Variants in STK33 observed in about 807,000 individuals in gnomAD.
STK33 encodes the protein serine/threonine kinase 33.
In STK33, 52 loss-of-function variants were observed where a neutral mutation model predicts 58.0. The ratio of observed to expected loss-of-function variants is 0.90; its 90% CI spans 0.72 to 1.13. The LOEUF is 1.13. Among genes scored for constraint, STK33 ranks in the 50% most tolerant of loss-of-function variants. The probability of loss-of-function intolerance (pLI) is 0.00; values close to 1 mark genes in which losing one functional copy is unlikely to be tolerated. For missense variants in STK33, 630 were observed against 604.2 expected, an observed-to-expected ratio of 1.04 and a Z score of -0.45; for synonymous variants, 215 against 200.1, an observed-to-expected ratio of 1.07 and a Z score of -0.63.
chr11:8,550,410 G>A (rs1956227519), intron 1 of STK33, among the ~76,000 whole-genome samples: 1 of 152,092 alleles, frequency 6.6e-6, no homozygotes, highest in African/African-American at 2.4e-5. Context: ...CTCCCAAAGT[G>A]CTAGGATTAC....
intron 1 of STK33, among the ~76,000 whole-genome samples, chr11:8,557,939 A>G (rs970531676): frequency 6.6e-6 from 1 of 152,232 alleles, no homozygotes; most frequent in South Asian, 2.1e-4. Context: ...AAGTCACAGA[A>G]GTCTAGAGAA....
At chr11:8,419,914 T>A (rs956583130) in intron 14 of STK33, among the ~76,000 whole-genome samples, 2 of 152,198 alleles carry the variant, frequency 1.3e-5, no homozygotes, top group African/African-American at 4.8e-5. Context: ...CAAGTTATTT[T>A]TCCCATTTTG....
intron 15 of STK33, among the ~76,000 whole-genome samples, chr11:8,401,165 A>G (rs1937843126): frequency 6.6e-6 from 1 of 152,222 alleles, no homozygotes; most frequent in Admixed American, 6.5e-5. Flanking sequence ...TGCCAAGTCA[A>G]TCCTAAGCCA....
In STK33 at chr11:8,501,631, C is replaced by A. The variant is rs77457378; in HGVS notation, c.-465-21017G>T. Among the ~76,000 whole-genome samples the A allele has an allele frequency of 3.5e-4, 54 of 152,186 alleles. No individual in the cohort carries two copies. The East Asian group carries it at 0.01, about 29-fold the overall frequency. On this transcript the variant is annotated intron_variant, in intron 1 of 15. Coordinates refer to ENST00000687296, the MANE Select transcript of STK33 (RefSeq NM_001352389.2). Reference sequence around the variant, plus strand: ...AAAATGGTATAGCCAGAAATCAGTTCGGGATTTCCTCAAAAAGTAAAACAC... The same window carrying A: ...AAAATGGTATAGCCAGAAATCAGTTAGGGATTTCCTCAAAAAGTAAAACAC...
chr11:8,338,127 C>T, the STK33 span, among the ~76,000 whole-genome samples: 2 of 152,236 alleles, frequency 1.3e-5, no homozygotes, highest in Admixed American at 1.3e-4. Flanking sequence ...TAGAATAGTG[C>T]TCAGTATACA....
At chr11:8,408,113 C>T (rs1335627242) in intron 15 of STK33, among the ~76,000 whole-genome samples, 1 of 152,006 alleles carries the variant, frequency 6.6e-6, no homozygotes, top group Non-Finnish European at 1.5e-5. Context: ...ACATACATGA[C>T]AATTTAAAGC....
At chr11:8,426,493 TG>T (rs142151994) in intron 14 of STK33, among the ~76,000 whole-genome samples, 1,776 of 152,292 alleles carry the variant, frequency 0.012, 34 homozygotes, top group African/African-American at 0.04. Context: ...GGCACATGCC[TG>T]GGGGTGGAGC....
rs1325171028 is a variant in STK33 at position 8,430,797 on chromosome 11, GTATATAC to G, written c.1146+4690_1146+4696del. Among the ~76,000 whole-genome samples, 8 of 151,750 alleles carry G rather than the reference GTATATAC, an allele frequency of 5.3e-5. No individual in the cohort carries two copies. The East Asian group carries it at 1.5e-3, about 29-fold the overall frequency. On this transcript the variant is annotated intron_variant, in intron 14 of 15. Coordinates refer to ENST00000687296, the MANE Select transcript of STK33 (RefSeq NM_001352389.2). Reference sequence around the variant, plus strand: ...CAATAAATATTTGTTGAATTATTGAGTATATACCAATAATTGAATACTGAGTAAATCC... The same window carrying G: ...CAATAAATATTTGTTGAATTATTGAGCAATAATTGAATACTGAGTAAATCC...
chr11:8,555,421 T>C (rs1397446894), intron 1 of STK33, among the ~76,000 whole-genome samples: 1 of 152,264 alleles, frequency 6.6e-6, no homozygotes, highest in East Asian at 1.9e-4. Flanking sequence ...CCTAGCACAC[T>C]AGGAGACTGA....
intron 12 of STK33, among the ~76,000 whole-genome samples, chr11:8,438,752 G>C (rs1012100638): frequency 1.3e-5 from 2 of 152,100 alleles, no homozygotes; most frequent in Admixed American, 6.5e-5. Context: ...ATTATATATA[G>C]GATGTTTGAC....
rs969524581 is a variant in STK33, at chr11:8,531,924, T to TA, written c.-465-51311dup. Among the ~76,000 whole-genome samples the TA allele has an allele frequency of 4.4e-4, 67 of 152,194 alleles. 1 individual carries two copies. The highest frequency in any genetic ancestry group is 1.6e-3 in the African/African-American group (65 of 41,528). On this transcript the variant is annotated intron_variant, in intron 1 of 15. Transcript: ENST00000687296. ...AAATTCCCAATTATGACCCAAGAAGTAAAAAACTTGGATAGATCAAATGCC... is the reference window on the plus strand; with the variant it reads ...AAATTCCCAATTATGACCCAAGAAGTAAAAAAACTTGGATAGATCAAATGCC...
In STK33 at chr11:8,457,836, G is replaced by A. The variant is rs376446448; in HGVS notation, c.559-357C>T. ...GAATAGGGATTTATAGATAGAGAAT[G>A]TGGGAAAGAATAGGCAGAGCACATG... On this transcript the variant is annotated intron_variant, in intron 8 of 15. Coordinates refer to ENST00000687296, the MANE Select transcript of STK33 (RefSeq NM_001352389.2). Among the ~76,000 whole-genome samples, 6 of 152,312 alleles carry A rather than the reference G, an allele frequency of 3.9e-5. No homozygotes were observed. In the East Asian group the frequency reaches 9.6e-4, roughly 24 times the overall value.
rs185952803 is a variant in STK33, at chr11:8,429,931, C to T, written c.1146+5563G>A. Among the ~76,000 whole-genome samples, 420 of 152,272 alleles carry T rather than the reference C, an allele frequency of 2.8e-3. 2 individuals carry two copies. The highest frequency in any genetic ancestry group is 9.6e-3 in the African/African-American group (399 of 41,546). Reference sequence around the variant, plus strand: ...TCAGACTATCTCAGGCAAGATACTACATTCGAGTTCTTCCCTCAGAATCTA... The same window carrying T: ...TCAGACTATCTCAGGCAAGATACTATATTCGAGTTCTTCCCTCAGAATCTA... On this transcript the variant is annotated intron_variant, in intron 14 of 15. Transcript: ENST00000687296.
intron 1 of STK33, among the ~76,000 whole-genome samples, chr11:8,493,166 T>A (rs1196720566): frequency 6.6e-6 from 1 of 151,706 alleles, no homozygotes; most frequent in East Asian, 1.9e-4. Context: ...GGAGCTGGTT[T>A]TTTGAAAAGA....
At chr11:8,395,669 T>C (rs1849206274) in intron 15 of STK33, among the ~76,000 whole-genome samples, 1 of 152,226 alleles carries the variant, frequency 6.6e-6, no homozygotes, top group African/African-American at 2.4e-5. Flanking sequence ...GGCTATGCAA[T>C]ATTCTCTTGT....
rs143147763 is a variant in STK33 at position 8,397,133 on chromosome 11, G to A, written c.1345-4423C>T. On this transcript the variant is annotated intron_variant, in intron 15 of 15. Transcript: ENST00000687296. ...AGAGTAGTAGTTCTCCCAGCACGCA[G>A]CTGGACATCTGAGAATGGACAGACT... 8.7e-4 allele frequency among the ~76,000 whole-genome samples: 133 copies of A among 152,346 alleles called. No homozygotes were observed. The East Asian group carries it at 0.023, about 26-fold the overall frequency.
chr11:8,359,415 T>C, the STK33 span, among the ~76,000 whole-genome samples: 17 of 152,204 alleles, frequency 1.1e-4, no homozygotes, highest in Admixed American at 6.5e-5. Context: ...ACTTCCTACT[T>C]TTCTGTAAAG....
At chr11:8,521,982 TA>T (rs1476573752) in intron 1 of STK33, among the ~76,000 whole-genome samples, 24 of 152,030 alleles carry the variant, frequency 1.6e-4, no homozygotes, top group Non-Finnish European at 2.5e-4. Flanking sequence ...AAACAACAGA[TA>T]CTGGAGAGGA....
chr11:8,374,314 G>A, the STK33 span, among the ~76,000 whole-genome samples: 1 of 152,294 alleles, frequency 6.6e-6, no homozygotes, highest in South Asian at 2.1e-4. Flanking sequence ...TGGGAGGTTG[G>A]GGGCGTTGGT....
Sources: allele counts gnomAD v4.1 joint callset (sites outside exome capture counted in the v4.1 genomes callset), GRCh38; gene constraint gnomAD v4.1.1; transcripts MANE v1.5; gene names NCBI Gene and HGNC (gene_info 2026-07-23, HGNC 2026-07-21).